The following MBP variants were observed in gnomAD, a reference collection of about 807,000 sequenced individuals.
The protein encoded by MBP is myelin basic protein, also known as Golli-MBP.
A neutral mutation model predicts 35.8 loss-of-function variants in MBP; 16 were observed. That is an observed-to-expected ratio of 0.45 (90% CI 0.30 to 0.68). MBP has a LOEUF of 0.68. MBP is among the 30% of genes least tolerant of loss of function. The probability of loss-of-function intolerance (pLI) is 0.08; values close to 1 mark genes in which losing one functional copy is unlikely to be tolerated. For missense variants in MBP, 380 were observed against 404.7 expected, an observed-to-expected ratio of 0.94 and a Z score of 0.52; for synonymous variants, 143 against 159.6, an observed-to-expected ratio of 0.90 and a Z score of 0.78.
rs539292703 is a variant in MBP at position 77,121,908 on chromosome 18, A to G, written c.-26+10672T>C. Among the ~76,000 whole-genome samples, 10 of 152,354 alleles carry G rather than the reference A, an allele frequency of 6.6e-5. No homozygotes were observed. The South Asian group carries it at 1.0e-3, about 16-fold the overall frequency. ...CACACAGCCTGCCACAACCCCATGT[A>G]AGAGAAAACCAGCTCCTCAAATATG... On this transcript the variant is annotated intron_variant, in intron 1 of 8. Coordinates refer to ENST00000355994, the MANE Select transcript of MBP (RefSeq NM_001025101.2).
intron 8 of MBP, chr18:76,984,018 G>A (rs1448721935): frequency 1.3e-5 from 2 of 152,220 alleles, no homozygotes; most frequent in Non-Finnish European, 2.9e-5. Context: ...AGAGCCTTTG[G>A]CTTCACGGTT....
intron 2 of MBP, among the ~76,000 whole-genome samples, chr18:77,096,465 T>TA (rs5826493): frequency 0.43 from 64,389 of 151,414 alleles, 14,004 homozygotes; most frequent in Middle Eastern, 0.55. Context: ...GCAGCTTAAA[T>TA]AAAAAAAAAT....
At chr18:77,098,168 C>A (rs867835709) in intron 2 of MBP, among the ~76,000 whole-genome samples, 2 of 108,546 alleles carry the variant, frequency 1.8e-5, no homozygotes, top group Admixed American at 1.1e-4. Flanking sequence ...CAAGGACTTC[C>A]TTTTTTTTTT....
At chr18:77,099,182 C>A (rs1237193054) in intron 2 of MBP, among the ~76,000 whole-genome samples, 1 of 152,126 alleles carries the variant, frequency 6.6e-6, no homozygotes. Context: ...GTACCATGCA[C>A]AAAGGGGATG....
chr18:77,052,749 G>A (rs538691925), intron 3 of MBP, among the ~76,000 whole-genome samples: 1 of 152,164 alleles, frequency 6.6e-6, no homozygotes, highest in African/African-American at 2.4e-5. Flanking sequence ...CACTATCCTC[G>A]CCTTGGGATT....
chr18:77,110,852 G>T (rs1976425699), intron 1 of MBP, among the ~76,000 whole-genome samples: 1 of 152,134 alleles, frequency 6.6e-6, no homozygotes, highest in African/African-American at 2.4e-5. Context: ...AATCTAACCA[G>T]CAGGATCCAC....
chr18:76,982,619 C>T (rs1242540709), intron 8 of MBP: 1 of 152,208 alleles, frequency 6.6e-6, no homozygotes, highest in East Asian at 1.9e-4. Context: ...GTTTTCCTCT[C>T]ACTACTGATT....
At chr18:77,057,524 G>T (rs1229401351) in intron 3 of MBP, among the ~76,000 whole-genome samples, 1 of 152,160 alleles carries the variant, frequency 6.6e-6, no homozygotes, top group Non-Finnish European at 1.5e-5. Flanking sequence ...CGGAAAGGCC[G>T]TGCAGTGATT....
At chr18:77,061,687 T>C (rs186116961) in intron 3 of MBP, among the ~76,000 whole-genome samples, 4 of 152,340 alleles carry the variant, frequency 2.6e-5, no homozygotes, top group African/African-American at 9.6e-5. Context: ...GTGGTCTTCC[T>C]TCACTTCATC....
At position 77,025,705 on chromosome 18, in the gene MBP, C is replaced by CTTT. The variant is rs540022394; in HGVS notation, c.140-8440_140-8438dup. On this transcript the variant is annotated intron_variant, in intron 3 of 8. Coordinates refer to ENST00000355994, the MANE Select transcript of MBP (RefSeq NM_001025101.2). ...GCGGACACTGTCCTCTATTGAAATACTTTTTTTTTTTTTTTTTTTTACCTA... is the reference window on the plus strand; with the variant it reads ...GCGGACACTGTCCTCTATTGAAATACTTTTTTTTTTTTTTTTTTTTTTTACCTA... Among the ~76,000 whole-genome samples the CTTT allele has an allele frequency of 2.6e-3, 288 of 108,794 alleles. 4 individuals carry two copies. Among genetic ancestry groups the CTTT allele is most frequent in the Non-Finnish European group, 3.6e-3 (213 of 59,216 alleles). 71.4% of individuals were successfully genotyped at this position (108,794 alleles called of 152,430 possible). A position where few individuals can be genotyped will look rare whatever the true frequency, so the allele number is the denominator to read the frequency against.
At chr18:77,004,782 C>G (rs1285034402) in intron 4 of MBP, 3 of 152,338 alleles carry the variant, frequency 2.0e-5, no homozygotes, top group Admixed American at 6.5e-5. Flanking sequence ...GAGGTTGTTG[C>G]TTTGCCCCAT....
chr18:77,039,224 G>C (rs1015384510), intron 3 of MBP, among the ~76,000 whole-genome samples: 2 of 152,094 alleles, frequency 1.3e-5, no homozygotes, highest in African/African-American at 4.8e-5. Context: ...ATACTGTCTG[G>C]CCCTTTATGG....
intron 2 of MBP, among the ~76,000 whole-genome samples, chr18:77,070,189 T>G (rs968756791): frequency 1.3e-5 from 2 of 152,186 alleles, no homozygotes; most frequent in African/African-American, 4.8e-5. Flanking sequence ...GGGCTCAGAC[T>G]TACGAGAGGG....
chr18:76,980,686 C>T, intron 8 of MBP: 6 of 566,656 alleles, frequency 1.1e-5, no homozygotes, highest in African/African-American at 1.9e-5. Context: ...TGAGAGAGAA[C>T]TGGAATCGGA....
chr18:77,124,943 G>T (rs2145239412), intron 1 of MBP, among the ~76,000 whole-genome samples: 1 of 152,318 alleles, frequency 6.6e-6, no homozygotes, highest in Middle Eastern at 3.4e-3. Context: ...ATGGGCTCAA[G>T]AGTGAGGTTG....
Position 77,080,365 on chromosome 18 carries a change from G to C in MBP, c.52-13980C>G, listed in dbSNP as rs750062712. Among the ~76,000 whole-genome samples, 175 of 152,376 alleles carry C rather than the reference G, an allele frequency of 1.1e-3. 2 individuals are homozygous for C. The highest frequency in any genetic ancestry group is 5.9e-4 in the Non-Finnish European group (40 of 68,036). On this transcript the variant is annotated intron_variant, in intron 2 of 8. Transcript: ENST00000355994. ...GACGGTAAGGCTTGAGGGCAGCCCG[G>C]AGGCTGTCCCAGCCACACTGGGCTC...
chr18:77,017,371 C>T, intron 3 of MBP, 103 bp from the exon 4 acceptor site: 1 of 1,125,924 alleles, frequency 8.9e-7, no homozygotes, highest in Non-Finnish European at 1.2e-6. Flanking sequence ...CCTATAAAAC[C>T]CACAGAATAT....
At chr18:77,022,870 G>A (rs1972049054) in intron 3 of MBP, among the ~76,000 whole-genome samples, 1 of 152,162 alleles carries the variant, frequency 6.6e-6, no homozygotes, top group African/African-American at 2.4e-5. Context: ...TTTTGGTAGG[G>A]GCGAGTGCAG....
chr18:76,983,605 A>G (rs1348374597), intron 8 of MBP: 1 of 152,214 alleles, frequency 6.6e-6, no homozygotes, highest in African/African-American at 2.4e-5. Flanking sequence ...ACTTCATCTG[A>G]CATAAAGCTG....
Sources: gnomAD v4.1 joint callset for allele counts (sites outside exome capture counted in the v4.1 genomes callset) on GRCh38, gnomAD v4.1.1 for gene constraint, MANE v1.5 for transcripts, NCBI Gene and HGNC (gene_info 2026-07-23, HGNC 2026-07-21) for gene names.